Variants in APBB2 observed in about 807,000 individuals in gnomAD.
The protein encoded by APBB2 is Fe65-like 1.
A neutral mutation model predicts 82.5 loss-of-function variants in APBB2; 38 were observed. The ratio of observed to expected loss-of-function variants is 0.46; its 90% CI spans 0.36 to 0.60. The LOEUF is 0.60. APBB2 is among the 20% of genes least tolerant of loss of function. The pLI, the probability that APBB2 is intolerant of heterozygous loss-of-function variation, is 0.00. For missense variants in APBB2, 772 were observed against 972.3 expected (o/e 0.79, Z 2.74); for synonymous variants, 341 against 368.2 (o/e 0.93, Z 0.85).
intron 10 of APBB2, among the ~76,000 whole-genome samples, chr4:40,900,354 A>C (rs951954547): frequency 1.3e-5 from 2 of 152,130 alleles, no homozygotes; most frequent in Non-Finnish European, 2.9e-5. Context: ...GCTCTTGAGA[A>C]GCTTGTGACA....
chr4:41,174,942 T>C (rs2154056778), intron 1 of APBB2, among the ~76,000 whole-genome samples: 1 of 152,308 alleles, frequency 6.6e-6, no homozygotes, highest in Admixed American at 6.5e-5. Flanking sequence ...GGAGTAAAAT[T>C]AAAAATGAAT....
At chr4:41,120,169 C>A (rs759381763) in intron 2 of APBB2, among the ~76,000 whole-genome samples, 16 of 152,202 alleles carry the variant, frequency 1.1e-4, no homozygotes, top group Non-Finnish European at 1.9e-4. Flanking sequence ...TTCACTCTCT[C>A]CACCAGAAAG....
At chr4:41,147,174 A>G (rs896431068) in intron 1 of APBB2, among the ~76,000 whole-genome samples, 1 of 152,210 alleles carries the variant, frequency 6.6e-6, no homozygotes, top group Non-Finnish European at 1.5e-5. Context: ...TGTGGTGAGT[A>G]TTGTTCCAGT....
At chr4:41,196,004 C>T in intron 1 of APBB2, among the ~76,000 whole-genome samples, 1 of 149,188 alleles carries the variant, frequency 6.7e-6, no homozygotes, top group Non-Finnish European at 1.5e-5. Flanking sequence ...ACCGAAACTA[C>T]AAAAAATTAG....
At chr4:41,174,326 A>G (rs984839471) in intron 1 of APBB2, among the ~76,000 whole-genome samples, 3 of 152,194 alleles carry the variant, frequency 2.0e-5, no homozygotes, top group African/African-American at 7.2e-5. Flanking sequence ...TAAGTCAGAG[A>G]ATCTCAAGAA....
At chr4:40,979,551 C>G (rs1797985860) in intron 6 of APBB2, among the ~76,000 whole-genome samples, 1 of 152,184 alleles carries the variant, frequency 6.6e-6, no homozygotes, top group Non-Finnish European at 1.5e-5. Context: ...ATTCTGTATT[C>G]TGGATGGGCC....
In APBB2 at chr4:41,162,197, TC is replaced by T. The variant is rs371463217; in HGVS notation, c.-416-19056del. 3.3e-3 allele frequency among the ~76,000 whole-genome samples: 464 copies of T among 139,588 alleles called. 4 individuals carry two copies. The highest frequency in any genetic ancestry group is 0.012 in the African/African-American group (405 of 32,730). 91.6% of individuals were successfully genotyped at this position (139,588 alleles called of 152,430 possible). On this transcript the variant is annotated intron_variant, in intron 1 of 17. Coordinates refer to ENST00000508593, the MANE Select transcript of APBB2 (RefSeq NM_004307.2). Reference sequence around the variant, plus strand: ...TCTGATCAGTGTTCAAATTTCCCCGTCTTTTTTTTTTTTTTTTTTACAATTT... The same window carrying T: ...TCTGATCAGTGTTCAAATTTCCCCGTTTTTTTTTTTTTTTTTTTACAATTT...
intron 12 of APBB2, among the ~76,000 whole-genome samples, chr4:40,852,153 C>T (rs1577966954): frequency 6.6e-6 from 1 of 151,878 alleles, no homozygotes; most frequent in African/African-American, 2.4e-5. Context: ...AGCTCAAAAC[C>T]AGCCTGGCGA....
intron 2 of APBB2, among the ~76,000 whole-genome samples, chr4:41,139,986 T>G (rs1218754709): frequency 6.6e-6 from 1 of 152,178 alleles, no homozygotes; most frequent in Non-Finnish European, 1.5e-5. Flanking sequence ...TATAGGAAAC[T>G]GGCAGTAGAA....
chr4:41,107,984 T>G (rs554651549), intron 2 of APBB2, among the ~76,000 whole-genome samples: 1 of 152,346 alleles, frequency 6.6e-6, no homozygotes, highest in East Asian at 1.9e-4. Context: ...ATTCAAGTAT[T>G]ATTTATATAT....
intron 10 of APBB2, 56 bp downstream of exon 10, chr4:40,934,400 G>A: frequency 6.6e-7 from 1 of 1,508,794 alleles, no homozygotes; most frequent in Non-Finnish European, 9.2e-7. Context: ...ATGATCCAAA[G>A]TCATTATTTG....
At position 40,868,326 on chromosome 4, in the gene APBB2, G is replaced by A. The variant is rs546424517; in HGVS notation, c.1529+22038C>T. On this transcript the variant is annotated intron_variant, in intron 12 of 17. Transcript: ENST00000508593. ...CACAGTGGATTCTGACATGCACTTG[G>A]ATTTGAGCATCACTGCTTTACTGGA... 7.2e-5 allele frequency among the ~76,000 whole-genome samples: 11 copies of A among 152,300 alleles called. 1 individual carries two copies. The South Asian group carries it at 2.1e-3, about 29-fold the overall frequency.
intron 10 of APBB2, among the ~76,000 whole-genome samples, chr4:40,922,455 T>G (rs998355623): frequency 6.6e-6 from 1 of 152,216 alleles, no homozygotes; most frequent in Non-Finnish European, 1.5e-5. Flanking sequence ...CTGAAATGAT[T>G]TTCTTATAAG....
chr4:40,972,695 A>G (rs1001311824), intron 6 of APBB2, among the ~76,000 whole-genome samples: 6 of 152,224 alleles, frequency 3.9e-5, no homozygotes, highest in Admixed American at 3.3e-4. Context: ...TCCACAGGTG[A>G]AGAGTGGAAT....
chr4:40,846,184 C>T lies in APBB2; in HGVS notation c.1530-15607G>A, dbSNP rs1376738812. Among the ~76,000 whole-genome samples, 4 of 152,054 alleles carry T rather than the reference C, an allele frequency of 2.6e-5. No individual in the cohort carries two copies. The East Asian group carries it at 7.7e-4, about 29-fold the overall frequency. On this transcript the variant is annotated intron_variant, in intron 12 of 17. Transcript: ENST00000508593. ...ATTCCATTATTTAATCCATATAAAG[C>T]TCCTACAGGATGGCGGCTTGAGTAT...
intron 1 of APBB2, among the ~76,000 whole-genome samples, chr4:41,179,403 G>A (rs549332519): frequency 4.2e-4 from 64 of 152,110 alleles, no homozygotes; most frequent in Non-Finnish European, 6.9e-4. Flanking sequence ...TTCATCTACC[G>A]TCATGTAAAA....
intron 2 of APBB2, among the ~76,000 whole-genome samples, chr4:41,120,858 T>A (rs987165388): frequency 5.3e-5 from 8 of 152,252 alleles, no homozygotes; most frequent in African/African-American, 1.9e-4. Context: ...AAGTCAAATA[T>A]TTTTAAAAGA....
In APBB2 at chr4:40,951,174, T is replaced by A. The variant is rs7692178; in HGVS notation, c.836-6101A>T. 8.8e-3 allele frequency among the ~76,000 whole-genome samples: 1,334 copies of A among 152,322 alleles called. 20 individuals are homozygous for A. The highest frequency in any genetic ancestry group is 0.03 in the African/African-American group (1,249 of 41,568). On this transcript the variant is annotated intron_variant, in intron 6 of 17. Coordinates refer to ENST00000508593, the MANE Select transcript of APBB2 (RefSeq NM_004307.2). Reference sequence around the variant, plus strand: ...AGGTTTCTCAAGGACTTCTGGAGTATTAGAAATGCTTTATTTCTTCACTGG... The same window carrying A: ...AGGTTTCTCAAGGACTTCTGGAGTAATAGAAATGCTTTATTTCTTCACTGG...
At chr4:40,864,915 G>A (rs529395716) in intron 12 of APBB2, among the ~76,000 whole-genome samples, 4 of 147,320 alleles carry the variant, frequency 2.7e-5, no homozygotes, top group African/African-American at 1.0e-4. Flanking sequence ...CTGGAGGGTA[G>A]TAGTGCAATC....
Sources: gnomAD v4.1 joint callset for allele counts (sites outside exome capture counted in the v4.1 genomes callset) on GRCh38, gnomAD v4.1.1 for gene constraint, MANE v1.5 for transcripts, NCBI Gene and HGNC (gene_info 2026-07-23, HGNC 2026-07-21) for gene names.